Variants in CHN2 observed in about 807,000 individuals in gnomAD.
The protein encoded by CHN2 is beta-chimaerin.
A neutral mutation model predicts 56.3 loss-of-function variants in CHN2; 35 were observed. The ratio of observed to expected loss-of-function variants is 0.62; its 90% CI spans 0.47 to 0.82. The LOEUF (loss-of-function observed/expected upper bound fraction) is 0.82. Among genes scored for constraint, CHN2 ranks in the 40% least tolerant of loss-of-function variants. CHN2 has a pLI of 0.00. For synonymous variants in CHN2, 210 were observed against 212.8 expected, an observed-to-expected ratio of 0.99 and a Z score of 0.12; for missense variants, 491 against 580.5, an observed-to-expected ratio of 0.85 and a Z score of 1.58.
In CHN2 at chr7:29,346,238, AC is replaced by A. The variant is rs1486934483; in HGVS notation, c.50-8386del. Among the ~76,000 whole-genome samples, 51 of 152,296 alleles carry A rather than the reference AC, an allele frequency of 3.3e-4. 1 individual carries two copies. The highest frequency in any genetic ancestry group is 3.4e-3 in the Middle Eastern group (1 of 294). The stretch of plus-strand genomic sequence containing the variant: ...CAGGCTGTACACTCTGTCCATGAGG[AC>A]GTGCTGCTGAGGACCCAAGCGTGGG... On this transcript the variant is annotated intron_variant, in intron 1 of 12. Coordinates refer to ENST00000222792, the MANE Select transcript of CHN2 (RefSeq NM_004067.4).
intron 6 of CHN2, among the ~76,000 whole-genome samples, chr7:29,473,489 T>TGG: frequency 7.1e-6 from 1 of 140,404 alleles, no homozygotes; most frequent in Non-Finnish European, 1.6e-5. Flanking sequence ...TTTTTGTGTG[T>TGG]GTGTGTGTGT....
At chr7:29,363,212 G>T (rs538641321) in intron 2 of CHN2, among the ~76,000 whole-genome samples, 1 of 152,338 alleles carries the variant, frequency 6.6e-6, no homozygotes, top group African/African-American at 2.4e-5. Flanking sequence ...AAGGCTGAGC[G>T]TGGTGGCTCA....
At chr7:29,396,006 G>C (rs962829408) in intron 4 of CHN2, among the ~76,000 whole-genome samples, 1 of 151,974 alleles carries the variant, frequency 6.6e-6, no homozygotes, top group Non-Finnish European at 1.5e-5. Context: ...TGATTACCCT[G>C]ATTTGATCAT....
At chr7:29,287,704 T>C (rs1055339789) in intron 1 of CHN2, among the ~76,000 whole-genome samples, 2 of 152,242 alleles carry the variant, frequency 1.3e-5, no homozygotes, top group African/African-American at 4.8e-5. Context: ...GTTGTGTTTG[T>C]TGTCACTTAA....
intron 1 of CHN2, among the ~76,000 whole-genome samples, chr7:29,273,351 A>ATATGTGTG (rs1174599624): frequency 2.0e-5 from 1 of 49,832 alleles, no homozygotes; most frequent in African/African-American, 7.6e-5. Flanking sequence ...GTGTATATAT[A>ATATGTGTG]TATATATATA....
At chr7:29,155,762 G>C (rs536934225) in intron 2 of CHN2, among the ~76,000 whole-genome samples, 109 of 152,314 alleles carry the variant, frequency 7.2e-4, no homozygotes, top group Non-Finnish European at 1.5e-3. Flanking sequence ...GGGTAGGCTG[G>C]CTGGAGGGGT....
At chr7:29,337,294 A>G (rs1420207012) in intron 1 of CHN2, among the ~76,000 whole-genome samples, 4 of 152,184 alleles carry the variant, frequency 2.6e-5, no homozygotes, top group East Asian at 1.9e-4. Flanking sequence ...GGAGCTAACT[A>G]TTAAGGAAAG....
intron 6 of CHN2, among the ~76,000 whole-genome samples, chr7:29,433,892 A>G (rs61664081): frequency 6.6e-6 from 1 of 150,932 alleles, no homozygotes; most frequent in African/African-American, 2.4e-5. Context: ...GAAGGGAGGA[A>G]GGGATGAAGG....
intron 6 of CHN2, among the ~76,000 whole-genome samples, chr7:29,435,526 A>T: frequency 6.6e-6 from 1 of 152,260 alleles, no homozygotes; most frequent in Middle Eastern, 3.2e-3. Context: ...CCTAGGCTAC[A>T]AACCTGTGCA....
chr7:29,219,876 C>T (rs558120877), intron 1 of CHN2, among the ~76,000 whole-genome samples: 1 of 152,114 alleles, frequency 6.6e-6, no homozygotes, highest in African/African-American at 2.4e-5. Context: ...GAGATGGAGA[C>T]CATCCTGGCT....
At chr7:29,223,441 A>C (rs39066) in intron 1 of CHN2, among the ~76,000 whole-genome samples, 48,613 of 151,978 alleles carry the variant, frequency 0.32, 8,335 homozygotes, top group Admixed American at 0.4. Flanking sequence ...CCCCATATCA[A>C]TCACTATGCT....
At chr7:29,204,095 G>A (rs1364587604) in intron 1 of CHN2, among the ~76,000 whole-genome samples, 1 of 151,504 alleles carries the variant, frequency 6.6e-6, no homozygotes, top group Non-Finnish European at 1.5e-5. Flanking sequence ...GTGTGTGTGT[G>A]TGTGTGTGTG....
intron 6 of CHN2, among the ~76,000 whole-genome samples, chr7:29,447,430 T>C (rs1461500131): frequency 6.6e-6 from 1 of 152,134 alleles, no homozygotes; most frequent in Non-Finnish European, 1.5e-5. Flanking sequence ...AAAAACATCA[T>C]CAGTGAGCTG....
At chr7:29,339,806 T>C (rs977969335) in intron 1 of CHN2, among the ~76,000 whole-genome samples, 1 of 151,756 alleles carries the variant, frequency 6.6e-6, no homozygotes, top group African/African-American at 2.4e-5. Context: ...TGAGCCAAGA[T>C]TGCACCACTG....
At chr7:29,203,986 G>A (rs891538459) in intron 1 of CHN2, among the ~76,000 whole-genome samples, 13 of 151,918 alleles carry the variant, frequency 8.6e-5, no homozygotes, top group Admixed American at 3.9e-4. Context: ...TTATGTATAC[G>A]CCTCCTTCCA....
At chr7:29,277,314 GT>G (rs1791314838) in intron 1 of CHN2, among the ~76,000 whole-genome samples, 2 of 152,234 alleles carry the variant, frequency 1.3e-5, no homozygotes, top group Admixed American at 1.3e-4. Flanking sequence ...ACAGTCCTCT[GT>G]GTATAGCCAA....
chr7:29,236,064 G>A (rs1465265884), intron 1 of CHN2, among the ~76,000 whole-genome samples: 1 of 152,168 alleles, frequency 6.6e-6, no homozygotes, highest in Non-Finnish European at 1.5e-5. Context: ...AAAATAAAAA[G>A]CAGATACCCT....
chr7:29,401,749 CG>C (rs1257189762), intron 6 of CHN2, among the ~76,000 whole-genome samples: 2 of 152,110 alleles, frequency 1.3e-5, no homozygotes, highest in Non-Finnish European at 1.5e-5. Context: ...AGTATGCAGG[CG>C]GGGGGTAGAT....
chr7:29,374,437 G>A (rs553799810), intron 3 of CHN2, among the ~76,000 whole-genome samples: 18 of 151,800 alleles, frequency 1.2e-4, no homozygotes, highest in Non-Finnish European at 2.5e-4. Flanking sequence ...GACAAGTACT[G>A]TGATCTACCA....
Sources: allele counts gnomAD v4.1 joint callset (sites outside exome capture counted in the v4.1 genomes callset), GRCh38; gene constraint gnomAD v4.1.1; transcripts MANE v1.5; gene names NCBI Gene and HGNC (gene_info 2026-07-23, HGNC 2026-07-21).